Variants in CNTN4 observed in about 807,000 individuals in gnomAD.
The protein encoded by CNTN4 is contactin-4.
In CNTN4, 77 loss-of-function variants were observed where a neutral mutation model predicts 122.5. That is an observed-to-expected ratio of 0.63 (90% CI 0.52 to 0.76). The LOEUF (loss-of-function observed/expected upper bound fraction) is 0.76. Among genes scored for constraint, CNTN4 ranks in the 30% least tolerant of loss-of-function variants. The probability of loss-of-function intolerance (pLI) is 0.00; values close to 1 mark genes in which losing one functional copy is unlikely to be tolerated. For missense variants in CNTN4, 1,256 were observed against 1,259.1 expected (o/e 1.00, Z 0.04); for synonymous variants, 512 against 447.0 (o/e 1.15, Z -1.83).
chr3:2,652,910 G>A (rs2083430413), intron 4 of CNTN4, among the ~76,000 whole-genome samples: 1 of 151,966 alleles, frequency 6.6e-6, no homozygotes. Context: ...AATATTTCAA[G>A]TGCTTGTAAA....
intron 6 of CNTN4, among the ~76,000 whole-genome samples, chr3:2,760,039 T>C (rs768624375): frequency 2.4e-4 from 37 of 152,214 alleles, no homozygotes; most frequent in Admixed American, 2.0e-4. Flanking sequence ...TATCTTTTCA[T>C]TGTTGAATTA....
At chr3:2,150,550 G>A (rs1174267505) in intron 2 of CNTN4, among the ~76,000 whole-genome samples, 1 of 152,112 alleles carries the variant, frequency 6.6e-6, no homozygotes, top group Non-Finnish European at 1.5e-5. Flanking sequence ...ATCCTCCCCT[G>A]GGGATTCTGT....
chr3:2,129,927 T>C (rs1251384211), intron 2 of CNTN4, among the ~76,000 whole-genome samples: 3 of 152,040 alleles, frequency 2.0e-5, no homozygotes, highest in Non-Finnish European at 4.4e-5. Context: ...AAATGAAGGT[T>C]TTCAAAACTG....
At chr3:2,156,919 T>G (rs897904073) in intron 2 of CNTN4, among the ~76,000 whole-genome samples, 6 of 152,222 alleles carry the variant, frequency 3.9e-5, no homozygotes, top group African/African-American at 1.4e-4. Flanking sequence ...ATGCTTATTT[T>G]ATCTCTGGCA....
intron 3 of CNTN4, among the ~76,000 whole-genome samples, chr3:2,422,093 C>T (rs967095558): frequency 7.9e-5 from 12 of 152,190 alleles, no homozygotes; most frequent in Admixed American, 7.9e-4. Flanking sequence ...AAAGGCAGCA[C>T]AAGGTGTCAC....
intron 6 of CNTN4, among the ~76,000 whole-genome samples, chr3:2,785,049 T>C (rs2091756196): frequency 6.6e-6 from 1 of 152,012 alleles, no homozygotes; most frequent in African/African-American, 2.4e-5. Flanking sequence ...TATTCATTCT[T>C]CTAGTCAAAG....
intron 3 of CNTN4, among the ~76,000 whole-genome samples, chr3:2,367,818 T>A (rs1462884916): frequency 6.6e-6 from 1 of 151,606 alleles, no homozygotes; most frequent in East Asian, 2.0e-4. Context: ...CCATTGAAAC[T>A]TTTTTTTCTC....
At chr3:2,810,551 T>G (rs550573515) in intron 6 of CNTN4, among the ~76,000 whole-genome samples, 7 of 152,332 alleles carry the variant, frequency 4.6e-5, no homozygotes, top group African/African-American at 1.2e-4. Flanking sequence ...CACACACCAC[T>G]TTCCTCATCC....
At chr3:2,117,762 C>T (rs536425266) in intron 2 of CNTN4, among the ~76,000 whole-genome samples, 23 of 152,214 alleles carry the variant, frequency 1.5e-4, no homozygotes, top group Non-Finnish European at 7.4e-5. Flanking sequence ...TTTAAAATTT[C>T]CCGGGTGATT....
intron 6 of CNTN4, among the ~76,000 whole-genome samples, chr3:2,783,474 C>T (rs2091689520): frequency 6.6e-6 from 1 of 152,124 alleles, no homozygotes; most frequent in Non-Finnish European, 1.5e-5. Context: ...ATTGGATTAT[C>T]ACTGGGATCA....
chr3:2,152,572 A>G (rs570781510), intron 2 of CNTN4, among the ~76,000 whole-genome samples: 2 of 152,320 alleles, frequency 1.3e-5, no homozygotes, highest in African/African-American at 2.4e-5. Flanking sequence ...GAAGTGAAGT[A>G]TGAGAGAAAG....
intron 3 of CNTN4, among the ~76,000 whole-genome samples, chr3:2,344,083 C>G (rs975484437): frequency 6.6e-6 from 1 of 152,118 alleles, no homozygotes; most frequent in Non-Finnish European, 1.5e-5. Context: ...CAGTCTTCCC[C>G]CCATGGCCCA....
intron 2 of CNTN4, among the ~76,000 whole-genome samples, chr3:2,167,201 G>T (rs909073211): frequency 6.6e-6 from 1 of 151,674 alleles, no homozygotes; most frequent in Non-Finnish European, 1.5e-5. Context: ...TTTTTAAATG[G>T]CACAAAGTAA....
chr3:2,704,296 CAAAAAAAA>C (rs151155380), intron 4 of CNTN4, among the ~76,000 whole-genome samples: 83 of 69,504 alleles, frequency 1.2e-3, no homozygotes, highest in African/African-American at 4.4e-3. Context: ...GACTTCATTT[CAAAAAAAA>C]AAAAAAAAAA....
At chr3:3,014,736 G>C (rs1697578064) in intron 14 of CNTN4, among the ~76,000 whole-genome samples, 1 of 151,352 alleles carries the variant, frequency 6.6e-6, no homozygotes, top group Non-Finnish European at 1.5e-5. Flanking sequence ...CTTTATATTA[G>C]ATTAGATCTA....
intron 4 of CNTN4, among the ~76,000 whole-genome samples, chr3:2,631,360 A>G (rs2082420163): frequency 6.6e-6 from 1 of 152,204 alleles, no homozygotes; most frequent in Non-Finnish European, 1.5e-5. Context: ...AGTAACCCCC[A>G]GAGATTAGCT....
intron 2 of CNTN4, among the ~76,000 whole-genome samples, chr3:2,218,264 A>C (rs902910227): frequency 1.2e-4 from 19 of 152,242 alleles, no homozygotes; most frequent in African/African-American, 4.6e-4. Flanking sequence ...GATGAATTAA[A>C]AATTAAAAAG....
Position 2,932,357 on chromosome 3 carries a change from G to A in CNTN4, c.1358+6578G>A, listed in dbSNP as rs113899805. On this transcript the variant is annotated intron_variant, in intron 13 of 24. Transcript: ENST00000418658. ...TGCACCACTGCACTCCAGCCTGAGT[G>A]ACAGAGCGAGACTCCGTCTCAAAAA... is the stretch of plus-strand genomic sequence containing the variant. 8.4e-3 allele frequency among the ~76,000 whole-genome samples: 1,276 copies of A among 152,274 alleles called. 25 individuals are homozygous for A. Among genetic ancestry groups the A allele is most frequent in the African/African-American group, 0.029 (1,196 of 41,556 alleles).
At chr3:2,781,574 C>T (rs1425829438) in intron 6 of CNTN4, among the ~76,000 whole-genome samples, 1 of 151,966 alleles carries the variant, frequency 6.6e-6, no homozygotes, top group Admixed American at 6.6e-5. Flanking sequence ...AGAACATGTG[C>T]CCAAGTGGTC....
Sources: allele counts gnomAD v4.1 joint callset (sites outside exome capture counted in the v4.1 genomes callset), GRCh38; gene constraint gnomAD v4.1.1; transcripts MANE v1.5; gene names NCBI Gene and HGNC (gene_info 2026-07-23, HGNC 2026-07-21).